FMN1: variants seen among roughly 807,000 people sequenced by gnomAD.
The protein encoded by FMN1 is formin 1.
FMN1 carries 110 observed loss-of-function variants against 132.4 expected under a neutral mutation model. That is an observed-to-expected ratio of 0.83 (90% confidence interval 0.71 to 0.97). The LOEUF (loss-of-function observed/expected upper bound fraction) is 0.97. Ranked by LOEUF, FMN1 falls within the 50% of genes least tolerant of loss-of-function variation. The probability of loss-of-function intolerance (pLI) is 0.00; values close to 1 mark genes in which losing one functional copy is unlikely to be tolerated. For synonymous variants in FMN1, 722 were observed against 651.7 expected (o/e 1.11, Z -1.64); for missense variants, 1,792 against 1,705.3 (o/e 1.05, Z -0.90).
rs534124065 is a variant in FMN1, at chr15:33,082,234, G to A, written c.2043+6565C>T. ...ATTACAGGCGCCCACCGCCACGGTC[G>A]GCTAATTTTTGTGTTTTCAGTAGAG... is the stretch of plus-strand genomic sequence containing the variant. On this transcript the variant is annotated intron_variant, in intron 5 of 20. Transcript: ENST00000616417. 5.9e-5 allele frequency among the ~76,000 whole-genome samples: 9 copies of A among 151,880 alleles called. No homozygotes were observed. The East Asian group carries it at 9.7e-4, about 16-fold the overall frequency.
At chr15:33,128,078 G>A (rs536010389) in intron 4 of FMN1, among the ~76,000 whole-genome samples, 3 of 152,246 alleles carry the variant, frequency 2.0e-5, no homozygotes, top group South Asian at 2.1e-4. Context: ...AAAGATGGGA[G>A]AAGAAAACCA....
intron 10 of FMN1, among the ~76,000 whole-genome samples, chr15:32,916,370 G>A (rs1032503199): frequency 6.6e-6 from 1 of 152,178 alleles, no homozygotes; most frequent in Admixed American, 6.6e-5. Context: ...CTTGCTGTTC[G>A]AAGGGCTTCT....
At position 32,942,154 on chromosome 15, in the gene FMN1, C is replaced by G. The variant is rs573149891; in HGVS notation, c.3139-15893G>C. ...GTACTATTACATCGCCTAAGGGACTCTCCCAATGCCTTCCAGAGTGGGAAA... is the reference window on the plus strand; with the variant it reads ...GTACTATTACATCGCCTAAGGGACTGTCCCAATGCCTTCCAGAGTGGGAAA... On this transcript the variant is annotated intron_variant, in intron 9 of 20. Transcript: ENST00000616417. Among the ~76,000 whole-genome samples the G allele has an allele frequency of 8.5e-5, 13 of 152,348 alleles. 1 individual carries two copies. Among genetic ancestry groups the G allele is most frequent in the Admixed American group, 6.5e-4 (10 of 15,306 alleles).
chr15:33,130,865 T>C (rs1963511560), intron 4 of FMN1, among the ~76,000 whole-genome samples: 1 of 152,220 alleles, frequency 6.6e-6, no homozygotes, highest in Admixed American at 6.5e-5. Flanking sequence ...AAAAACTAGA[T>C]GGGAGATTTG....
intron 16 of FMN1, among the ~76,000 whole-genome samples, chr15:32,885,079 G>A (rs781263151): frequency 2.0e-5 from 3 of 152,192 alleles, no homozygotes; most frequent in Non-Finnish European, 4.4e-5. Flanking sequence ...TATGCTACTT[G>A]ACAAGCTGTT....
intron 4 of FMN1, among the ~76,000 whole-genome samples, chr15:33,135,541 A>G (rs577533256): frequency 1.1e-3 from 168 of 152,302 alleles, no homozygotes; most frequent in African/African-American, 3.9e-3. Context: ...TCAGCTTGAC[A>G]CAAGTATGCA....
chr15:32,891,238 C>T (rs2060020777), intron 15 of FMN1, among the ~76,000 whole-genome samples: 1 of 152,104 alleles, frequency 6.6e-6, no homozygotes, highest in African/African-American at 2.4e-5. Context: ...TTTTATGGTT[C>T]CGTATGAGTT....
intron 3 of FMN1, among the ~76,000 whole-genome samples, chr15:33,178,444 C>T (rs556062434): frequency 1.3e-5 from 2 of 152,198 alleles, no homozygotes; most frequent in African/African-American, 4.8e-5. Context: ...ATCCTGCTCT[C>T]GGTCTCAAGT....
intron 9 of FMN1, among the ~76,000 whole-genome samples, chr15:32,957,830 T>C (rs2029988893): frequency 1.3e-5 from 2 of 152,146 alleles, no homozygotes; most frequent in African/African-American, 4.8e-5. Context: ...AATGACTTTT[T>C]CTGAATGTTA....
chr15:33,071,021 C>CCA (rs559604063), intron 5 of FMN1, among the ~76,000 whole-genome samples: 240 of 152,318 alleles, frequency 1.6e-3, no homozygotes, highest in African/African-American at 5.4e-3. Context: ...CCCAGAGGCT[C>CCA]CACTTCCTTC....
intron 16 of FMN1, among the ~76,000 whole-genome samples, chr15:32,884,297 GCCTTTTCCACTT>G (rs2059842866): frequency 6.6e-6 from 1 of 152,120 alleles, no homozygotes; most frequent in Non-Finnish European, 1.5e-5. Context: ...TCTGTTCCTT[GCCTTTTCCACTT>G]CTAGAGGCTT....
At chr15:33,128,310 G>C (rs377761489) in intron 4 of FMN1, among the ~76,000 whole-genome samples, 13 of 152,210 alleles carry the variant, frequency 8.5e-5, no homozygotes, top group African/African-American at 2.9e-4. Context: ...TGCTGACTAG[G>C]CCCGACCATC....
intron 17 of FMN1, among the ~76,000 whole-genome samples, chr15:32,827,512 A>G (rs961812098): frequency 2.0e-5 from 3 of 152,194 alleles, no homozygotes; most frequent in African/African-American, 7.2e-5. Flanking sequence ...AGTTATAATC[A>G]TTTCACATTA....
chr15:32,897,828 GAAAACAAAACAA>G (rs2060197183), intron 15 of FMN1, among the ~76,000 whole-genome samples: 1 of 151,982 alleles, frequency 6.6e-6, no homozygotes, highest in Non-Finnish European at 1.5e-5. Flanking sequence ...GGGTCGGCAG[GAAAACAAAACAA>G]AAAACAAAAC....
At chr15:33,039,965 G>C (rs1456744529) in intron 6 of FMN1, among the ~76,000 whole-genome samples, 2 of 152,102 alleles carry the variant, frequency 1.3e-5, no homozygotes, top group Non-Finnish European at 2.9e-5. Context: ...GTCTTACAGT[G>C]TTATTCCCTT....
chr15:33,026,479 G>C (rs1045479344), intron 6 of FMN1, among the ~76,000 whole-genome samples: 2 of 149,912 alleles, frequency 1.3e-5, no homozygotes, highest in African/African-American at 4.9e-5. Flanking sequence ...TAATCAGTGA[G>C]GAAAAAATTG....
chr15:33,014,885 CTAAA>C (rs1399477234), intron 6 of FMN1, among the ~76,000 whole-genome samples: 1 of 152,154 alleles, frequency 6.6e-6, no homozygotes, highest in African/African-American at 2.4e-5. Flanking sequence ...CCATCACTTA[CTAAA>C]TGAGTTTACC....
At position 33,150,857 on chromosome 15, in the gene FMN1, G is replaced by A. The variant is rs1401310847; in HGVS notation, c.1867+2191C>T. 6 of 989,654 alleles carry A rather than the reference G, an allele frequency of 6.1e-6. No individual in the cohort carries two copies. In the East Asian group the frequency reaches 5.5e-4, roughly 91 times the overall value. The allele number at this position is 989,654 out of a possible 1,614,324, so 61.3% of individuals were successfully genotyped here. ...TTAATAGCTAACCTGGGAGAAAGGTGGGAGTTGGGTTCAGATAAAGGGACA... is the reference window on the plus strand; with the variant it reads ...TTAATAGCTAACCTGGGAGAAAGGTAGGAGTTGGGTTCAGATAAAGGGACA... On this transcript the variant is annotated intron_variant, in intron 4 of 20. Coordinates refer to ENST00000616417, the MANE Select transcript of FMN1 (RefSeq NM_001277313.2).
chr15:32,955,636 C>T (rs1402628065), intron 9 of FMN1, among the ~76,000 whole-genome samples: 2 of 152,144 alleles, frequency 1.3e-5, no homozygotes, highest in African/African-American at 4.8e-5. Context: ...CAAAACTTCC[C>T]TCAACGAGAA....
Sources: gnomAD v4.1 joint callset for allele counts (sites outside exome capture counted in the v4.1 genomes callset) on GRCh38, gnomAD v4.1.1 for gene constraint, MANE v1.5 for transcripts, NCBI Gene and HGNC (gene_info 2026-07-23, HGNC 2026-07-21) for gene names.